SIPA1L2: variants seen among roughly 807,000 people sequenced by gnomAD.
SIPA1L2 encodes the protein signal-induced proliferation-associated 1-like protein 2.
Under a neutral mutation model 163.9 loss-of-function variants are expected in SIPA1L2, and 56 were observed. That is an observed-to-expected ratio of 0.34 (90% CI 0.28 to 0.43). The LOEUF (loss-of-function observed/expected upper bound fraction) is 0.43. Among genes scored for constraint, SIPA1L2 ranks in the 20% least tolerant of loss-of-function variants. The pLI is 1.00. For missense variants in SIPA1L2, 1,974 were observed against 2,193.5 expected (o/e 0.90, Z 2.00); for synonymous variants, 877 against 865.7 (o/e 1.01, Z -0.23).
At chr1:232,542,163 A>T (rs1241221683) in intron 2 of SIPA1L2, among the ~76,000 whole-genome samples, 1 of 152,244 alleles carries the variant, frequency 6.6e-6, no homozygotes, top group Non-Finnish European at 1.5e-5. Flanking sequence ...ACCCTGGGAA[A>T]GTCGCTTCGC....
rs1663304318 is a variant in SIPA1L2, at chr1:232,630,028, C to T, written c.-478G>A. On this transcript the variant is annotated 5_prime_UTR_variant, in exon 1 of 23. Coordinates refer to ENST00000674635, the MANE Select transcript of SIPA1L2 (RefSeq NM_020808.5). ...GGAGGCGGCCCGGACCCGCTGGCTGCGGCTGGAGCTCTCGGCCTGCGCTCG... is the reference window on the plus strand; with the variant it reads ...GGAGGCGGCCCGGACCCGCTGGCTGTGGCTGGAGCTCTCGGCCTGCGCTCG... Among the ~76,000 whole-genome samples, 1 of 150,182 alleles carries T rather than the reference C, an allele frequency of 6.7e-6. No homozygotes were observed. The highest frequency in any genetic ancestry group is 2.4e-5 in the African/African-American group (1 of 41,208).
intron 10 of SIPA1L2, among the ~76,000 whole-genome samples, chr1:232,446,509 C>G (rs552716946): frequency 1.1e-4 from 17 of 152,310 alleles, no homozygotes; most frequent in African/African-American, 4.1e-4. Context: ...ATCAACACCT[C>G]AATAAACTTG....
At chr1:232,536,246 C>T (rs1657297666) in intron 2 of SIPA1L2, among the ~76,000 whole-genome samples, 1 of 152,184 alleles carries the variant, frequency 6.6e-6, no homozygotes, top group Non-Finnish European at 1.5e-5. Context: ...TCCCGAAATC[C>T]TTCACTCTCT....
intron 2 of SIPA1L2, among the ~76,000 whole-genome samples, chr1:232,517,420 T>A (rs1287990595): frequency 6.6e-6 from 1 of 152,058 alleles, no homozygotes; most frequent in African/African-American, 2.4e-5. Context: ...CAAACCGGCA[T>A]CTCCTCACAC....
chr1:232,582,097 C>A (rs1055046120), intron 1 of SIPA1L2, among the ~76,000 whole-genome samples: 2 of 152,196 alleles, frequency 1.3e-5, no homozygotes, highest in East Asian at 1.9e-4. Context: ...AATAAGCAGG[C>A]AAGCTTGTTG....
intron 1 of SIPA1L2, among the ~76,000 whole-genome samples, chr1:232,628,828 A>G (rs1026103170): frequency 6.6e-6 from 1 of 152,230 alleles, no homozygotes. Context: ...ACTGCAGACA[A>G]AAGAGGCAAA....
chr1:232,417,418 T>C (rs34719911), intron 18 of SIPA1L2, among the ~76,000 whole-genome samples: 11,933 of 152,200 alleles, frequency 0.078, 590 homozygotes, highest in Admixed American at 0.13. Context: ...CCACATGCTC[T>C]TCTTTGAAAC....
At chr1:232,435,227 G>C (rs1382709677) in intron 15 of SIPA1L2, among the ~76,000 whole-genome samples, 1 of 152,114 alleles carries the variant, frequency 6.6e-6, no homozygotes, top group African/African-American at 2.4e-5. Context: ...AAAATGTATA[G>C]GTAATGATAG....
In SIPA1L2 at chr1:232,399,243, C is replaced by T; in HGVS notation, c.5053G>A (p.Glu1685Lys). Residue 1685 changes from glutamate to lysine, a missense_variant, in exon 23 of 23, where the codon GAA becomes AAA. Physicochemically the swap from Glu to Lys is moderately conservative, Grantham distance 56. Transcript: ENST00000674635. Reference protein sequence around the residue: ...EKQDKAVLQAEVQHLRQDNMR... With the variant: ...EKQDKAVLQAKVQHLRQDNMR... ...TTGTCCTGTCTCAGGTGCTGCACTTCTGCTTGGAGAACGGCCTTGTCTTGT... is the reference window on the plus strand; with the variant it reads ...TTGTCCTGTCTCAGGTGCTGCACTTTTGCTTGGAGAACGGCCTTGTCTTGT... The T allele has an allele frequency of 6.2e-7, 1 of 1,613,734 alleles. No individual in the cohort carries two copies. The highest frequency in any genetic ancestry group is 8.5e-7 in the Non-Finnish European group (1 of 1,179,988).
intron 19 of SIPA1L2, 115 bp downstream of exon 19, chr1:232,415,379 T>G (rs1248396752): frequency 6.8e-6 from 9 of 1,326,646 alleles, no homozygotes. Flanking sequence ...GGCAAAACAT[T>G]CAAAACTTTG....
At chr1:232,615,402 C>T (rs1189975085) in intron 1 of SIPA1L2, among the ~76,000 whole-genome samples, 1 of 152,236 alleles carries the variant, frequency 6.6e-6, no homozygotes, top group African/African-American at 2.4e-5. Flanking sequence ...AAATCACACA[C>T]ACAACTGCTT....
intron 2 of SIPA1L2, among the ~76,000 whole-genome samples, chr1:232,542,847 C>T (rs1657773645): frequency 1.3e-5 from 2 of 152,186 alleles, no homozygotes; most frequent in African/African-American, 4.8e-5. Context: ...ATTCCTTTCG[C>T]TCATATATAC....
intron 2 of SIPA1L2, among the ~76,000 whole-genome samples, chr1:232,572,227 G>A (rs1035849059): frequency 3.3e-5 from 5 of 152,324 alleles, no homozygotes; most frequent in African/African-American, 1.2e-4. Flanking sequence ...TAGCTGGCCA[G>A]CAGGCTAGTA....
intron 2 of SIPA1L2, among the ~76,000 whole-genome samples, chr1:232,555,018 CT>C (rs1658615321): frequency 6.6e-6 from 1 of 152,264 alleles, no homozygotes; most frequent in East Asian, 1.9e-4. Flanking sequence ...AGTTTACAAA[CT>C]TATGGACATT....
chr1:232,489,649 G>T (rs963359359), intron 5 of SIPA1L2, among the ~76,000 whole-genome samples: 10 of 151,936 alleles, frequency 6.6e-5, no homozygotes, highest in African/African-American at 2.4e-4. Context: ...AGCCATCTGC[G>T]GTGCCAAATA....
At chr1:232,585,276 T>A (rs560222004) in intron 1 of SIPA1L2, among the ~76,000 whole-genome samples, 1 of 152,340 alleles carries the variant, frequency 6.6e-6, no homozygotes, top group South Asian at 2.1e-4. Context: ...GACAGTTCTA[T>A]AAACATAGCA....
chr1:232,467,168 C>T (rs528533145), intron 8 of SIPA1L2, among the ~76,000 whole-genome samples: 32 of 152,182 alleles, frequency 2.1e-4, no homozygotes, highest in Non-Finnish European at 4.0e-4. Flanking sequence ...TCACCTGTAG[C>T]GGCAAGACAG....
chr1:232,414,153 G>A (rs1488133322), intron 19 of SIPA1L2, among the ~76,000 whole-genome samples: 1 of 152,206 alleles, frequency 6.6e-6, no homozygotes, highest in Admixed American at 6.5e-5. Context: ...AGGACTGAGT[G>A]GTTTGTAAAG....
In SIPA1L2 at chr1:232,514,878, G is replaced by T. The variant is rs1392561813; in HGVS notation, c.462C>A (p.His154Gln). 7 of 1,614,168 alleles carry T rather than the reference G, an allele frequency of 4.3e-6. No individual in the cohort carries two copies. Among genetic ancestry groups the T allele is most frequent in the Non-Finnish European group, 5.9e-6 (7 of 1,180,038 alleles). ...CACTATTGCTCCTCTGTCTTATGGG[G>T]TGAAGTCCTCTTTGGGGGGAATGGA... ...IFVHSPQRGLHPIRQRSNSDV... is the reference protein window; with the variant it reads ...IFVHSPQRGLQPIRQRSNSDV... Residue 154 changes from histidine (H) to glutamine (Q), a missense_variant, in exon 3 of 23, where the codon CAC (histidine) becomes CAA (glutamine). Physicochemically the swap from His to Gln is conservative, Grantham distance 24. Coordinates refer to ENST00000674635, the MANE Select transcript of SIPA1L2 (RefSeq NM_020808.5).
Sources: gnomAD v4.1 joint callset for allele counts (sites outside exome capture counted in the v4.1 genomes callset) on GRCh38, gnomAD v4.1.1 for gene constraint, MANE v1.5 for transcripts, NCBI Gene and HGNC (gene_info 2026-07-23, HGNC 2026-07-21) for gene names.